Variants in KDM5A observed in about 807,000 individuals in gnomAD.
KDM5A encodes the protein lysine-specific demethylase 5A.
In KDM5A, 42 loss-of-function variants were observed where a neutral mutation model predicts 193.5. That is an observed-to-expected ratio of 0.22 (90% confidence interval 0.17 to 0.28). The LOEUF (loss-of-function observed/expected upper bound fraction) is 0.28, where lower values mean the gene tolerates loss of function less well. Ranked by LOEUF, KDM5A falls within the 10% of genes least tolerant of loss-of-function variation. KDM5A has a pLI of 1.00. For synonymous variants in KDM5A, 796 were observed against 718.1 expected, an observed-to-expected ratio of 1.11 and a Z score of -1.73; for missense variants, 1,692 against 2,055.1, an observed-to-expected ratio of 0.82 and a Z score of 3.42.
At chr12:353,920 C>CAAAAAAAAAAA (rs35599427) in intron 8 of KDM5A, among the ~76,000 whole-genome samples, 156 bp downstream of exon 8, 1 of 120,750 alleles carries the variant, frequency 8.3e-6, no homozygotes, top group Non-Finnish European at 1.7e-5. Context: ...GACACCATCT[C>CAAAAAAAAAAA]AAAAAAAAAA....
chr12:348,932 AC>A (rs1325112105), intron 10 of KDM5A, among the ~76,000 whole-genome samples: 1 of 150,954 alleles, frequency 6.6e-6, no homozygotes, highest in African/African-American at 2.4e-5. Context: ...AAAAAAAAAA[AC>A]CTTATGGTGT....
At chr12:339,864 T>C (rs1389677438) in intron 10 of KDM5A, among the ~76,000 whole-genome samples, 2 of 149,744 alleles carry the variant, frequency 1.3e-5, no homozygotes, top group Non-Finnish European at 3.0e-5. Context: ...TTGCAGATAT[T>C]AAGAAGTCTG....
At chr12:333,271 T>C in intron 12 of KDM5A, 1 of 575,534 alleles carries the variant, frequency 1.7e-6, no homozygotes, top group Non-Finnish European at 3.1e-6. Context: ...ATACAACAAT[T>C]AGCCGGGGGT....
intron 10 of KDM5A, among the ~76,000 whole-genome samples, chr12:335,707 C>T (rs541239105): frequency 1.3e-5 from 2 of 152,180 alleles, no homozygotes; most frequent in African/African-American, 4.8e-5. Context: ...ATCTATAAGG[C>T]AGCACAGAAA....
Position 285,455 on chromosome 12 carries a change from G to A in KDM5A, c.*1C>T, listed in dbSNP as rs1172264382. The A allele has an allele frequency of 3.7e-6, 6 of 1,613,466 alleles. No individual in the cohort carries two copies. The highest frequency in any genetic ancestry group is 5.1e-6 in the Non-Finnish European group (6 of 1,179,482). ...CATGTCCCAAACTAACCAAGCATCTGCTAACTGGTCTCTTTAAGATCCTCC... is the reference window on the plus strand; with the variant it reads ...CATGTCCCAAACTAACCAAGCATCTACTAACTGGTCTCTTTAAGATCCTCC... On this transcript the variant is annotated 3_prime_UTR_variant, in exon 28 of 28. Transcript: ENST00000399788.
chr12:375,656 C>A (rs999447591), intron 3 of KDM5A, among the ~76,000 whole-genome samples: 2 of 152,122 alleles, frequency 1.3e-5, no homozygotes, highest in Non-Finnish European at 2.9e-5. Context: ...GTGCTCTGCT[C>A]TGATTTTTCT....
Position 285,358 on chromosome 12 carries a change from G to A in KDM5A, c.*98C>T, listed in dbSNP as rs1049954. On this transcript the variant is annotated 3_prime_UTR_variant, in exon 28 of 28. Coordinates refer to ENST00000399788, the MANE Select transcript of KDM5A (RefSeq NM_001042603.3). ...CTTTCTCTGAAGGCCATTCATCTTT[G>A]GAAGCAACATTCCAAGTGGATATAA... 2 of 1,068,598 alleles carry A rather than the reference G, an allele frequency of 1.9e-6. No homozygotes were observed. Among genetic ancestry groups the A allele is most frequent in the Admixed American group, 1.9e-5 (1 of 53,888 alleles). 66.2% of individuals were successfully genotyped at this position (1,068,598 alleles called of 1,614,324 possible). A position where few individuals can be genotyped will look rare whatever the true frequency, so the allele number is the denominator to read the frequency against.
chr12:338,970 G>A (rs950112190), intron 10 of KDM5A, among the ~76,000 whole-genome samples: 3 of 151,972 alleles, frequency 2.0e-5, no homozygotes, highest in African/African-American at 7.2e-5. Context: ...ACCTGAGGTT[G>A]GGAGTTCGAG....
chr12:342,921 T>G (rs751271205), intron 10 of KDM5A, among the ~76,000 whole-genome samples: 16 of 152,074 alleles, frequency 1.1e-4, no homozygotes, highest in Non-Finnish European at 1.8e-4. Flanking sequence ...TCACTGGGAC[T>G]GCTTGGACAG....
intron 6 of KDM5A, among the ~76,000 whole-genome samples, chr12:355,674 G>A (rs1013610766): frequency 3.3e-5 from 5 of 152,314 alleles, no homozygotes; most frequent in African/African-American, 9.6e-5. Flanking sequence ...TTATTACAAT[G>A]TATTTAGTAA....
intron 19 of KDM5A, 128 bp downstream of exon 19, chr12:317,978 T>A: frequency 1.4e-6 from 1 of 720,648 alleles, no homozygotes; most frequent in East Asian, 2.6e-5. Flanking sequence ...TAATGCTACT[T>A]ATACATTAAA....
chr12:292,745 CA>C lies in KDM5A; in HGVS notation c.4866+13del. On this transcript the variant is annotated intron_variant, in intron 27 of 27. Coordinates refer to ENST00000399788, the MANE Select transcript of KDM5A (RefSeq NM_001042603.3). The stretch of plus-strand genomic sequence containing the variant: ...TTGACCTCTCATGCTTGACTATAAA[CA>C]GTTGGAACTCACCTTGTCCTTGCAG... The C allele has an allele frequency of 6.2e-7, 1 of 1,614,224 alleles. No homozygotes were observed. Among genetic ancestry groups the C allele is most frequent in the African/African-American group, 1.3e-5 (1 of 75,070 alleles).
At chr12:353,932 A>AC in intron 8 of KDM5A, 144 bp downstream of exon 8, 1 of 695,148 alleles carries the variant, frequency 1.4e-6, no homozygotes. Flanking sequence ...AAAAAAAAAA[A>AC]AAAAGTCCTG....
rs1404815403 is a variant in KDM5A, at chr12:366,052, G to C, written c.419C>G (p.Ser140Cys). The C allele has an allele frequency of 6.2e-7, 1 of 1,614,000 alleles. No individual in the cohort carries two copies. Among genetic ancestry groups the C allele is most frequent in the African/African-American group, 1.3e-5 (1 of 75,046 alleles). Residue 140 changes from serine (S) to cysteine (C), a missense_variant, in exon 4 of 28, where the codon TCT becomes TGT. Ser to Cys is a moderately radical substitution (Grantham distance 112). Coordinates refer to ENST00000399788, the MANE Select transcript of KDM5A (RefSeq NM_001042603.3). ...ATATCCCAAGCGACTACCCACTTTA[G>C]ACCATTTCTTCTCTTTGGTGACCAT... ...FEMVTKEKKW[S>C]KVGSRLGYLP...
intron 3 of KDM5A, among the ~76,000 whole-genome samples, chr12:378,483 T>C (rs1317599495): frequency 6.6e-6 from 1 of 152,186 alleles, no homozygotes; most frequent in Non-Finnish European, 1.5e-5. Flanking sequence ...GAAGTTTATC[T>C]AGAACTCCTG....
At position 282,140 on chromosome 12, in the gene KDM5A, T is replaced by C. The variant is rs1263909270; in HGVS notation, c.*3316A>G. The stretch of plus-strand genomic sequence containing the variant: ...AAGCAAAGCCCAGGCAGAACCATGC[T>C]AACCTTACAGCTTAGCCTCTGTCCT... On this transcript the variant is annotated 3_prime_UTR_variant, in exon 28 of 28. Transcript: ENST00000399788. 2.0e-5 allele frequency: 6 copies of C among 297,608 alleles called. No individual in the cohort carries two copies. In the Admixed American group the frequency reaches 3.2e-4, roughly 16 times the overall value. 18.4% of individuals were successfully genotyped at this position (297,608 alleles called of 1,614,324 possible).
intron 9 of KDM5A, among the ~76,000 whole-genome samples, chr12:351,495 C>T (rs1944158604): frequency 6.6e-6 from 1 of 151,904 alleles, no homozygotes; most frequent in African/African-American, 2.4e-5. Context: ...GTCTTTAAAG[C>T]AACACTAGAT....
chr12:380,741 A>G (rs1270988541), intron 3 of KDM5A, among the ~76,000 whole-genome samples: 1 of 151,982 alleles, frequency 6.6e-6, no homozygotes, highest in Non-Finnish European at 1.5e-5. Flanking sequence ...AAGTAGAAAG[A>G]GCTTCATTAA....
At chr12:333,287 T>C in intron 12 of KDM5A, 200 bp downstream of exon 12, 1 of 609,278 alleles carries the variant, frequency 1.6e-6, no homozygotes, top group Non-Finnish European at 2.9e-6. Context: ...GGGGTGGTGG[T>C]GTGCTCCTAT....
Sources: gnomAD v4.1 joint callset for allele counts (sites outside exome capture counted in the v4.1 genomes callset) on GRCh38, gnomAD v4.1.1 for gene constraint, MANE v1.5 for transcripts, NCBI Gene and HGNC (gene_info 2026-07-23, HGNC 2026-07-21) for gene names.